FDFT1: variants seen among roughly 807,000 people sequenced by gnomAD.
FDFT1 encodes farnesyl-diphosphate farnesyltransferase 1, also known as squalene synthase.
A neutral mutation model predicts 46.8 loss-of-function variants in FDFT1; 68 were observed. The observed-to-expected ratio is 1.45, with a 90% CI of 1.19 to 1.78. The LOEUF is 1.78. FDFT1 is among the 40% of genes most tolerant of loss of function. The pLI is 0.00. For synonymous variants in FDFT1, 351 were observed against 185.1 expected (o/e 1.90, Z -7.28); for missense variants, 928 against 524.4 (o/e 1.77, Z -7.52).
chr8:11,801,380 C>T (rs1019224907), upstream of FDFT1, among the ~76,000 whole-genome samples: 2 of 152,170 alleles, frequency 1.3e-5, no homozygotes, highest in African/African-American at 2.4e-5. Context: ...AGTGCAATAG[C>T]GCGATCTCAG....
intron 3 of FDFT1, among the ~76,000 whole-genome samples, chr8:11,816,387 T>G (rs931840925): frequency 1.3e-5 from 2 of 152,332 alleles, no homozygotes; most frequent in South Asian, 4.1e-4. Context: ...TAAAGTAGTT[T>G]TTTCCAATTC....
At chr8:11,801,874 T>G (rs747610027), upstream of FDFT1, 16 of 440,554 alleles carry the variant, frequency 3.6e-5, no homozygotes, top group Non-Finnish European at 3.6e-5. Flanking sequence ...GTATTTTTAG[T>G]AGAGACGGGT....
intron 4 of FDFT1, among the ~76,000 whole-genome samples, chr8:11,822,583 G>A (rs533172513): frequency 5.9e-5 from 9 of 152,352 alleles, no homozygotes; most frequent in African/African-American, 1.7e-4. Context: ...GGAGGCTGAG[G>A]TGGGAGGATC....
chr8:11,797,626 C>T (rs574357344), upstream of FDFT1, among the ~76,000 whole-genome samples: 3 of 114,762 alleles, frequency 2.6e-5, no homozygotes, highest in East Asian at 5.3e-4. Flanking sequence ...CTGTCTGTCT[C>T]TCACACACAC....
intron 5 of FDFT1, among the ~76,000 whole-genome samples, chr8:11,828,212 C>T (rs1240575481): frequency 2.0e-5 from 3 of 152,076 alleles, no homozygotes; most frequent in Non-Finnish European, 4.4e-5. Flanking sequence ...TGCCTGAGCC[C>T]AGGAGTTCAA....
At chr8:11,812,453 G>C (rs1807856954) in intron 3 of FDFT1, among the ~76,000 whole-genome samples, 1 of 152,190 alleles carries the variant, frequency 6.6e-6, no homozygotes, top group South Asian at 2.1e-4. Context: ...GTGCTGGAGA[G>C]AGCGGGATTC....
intron 3 of FDFT1, among the ~76,000 whole-genome samples, chr8:11,820,552 T>G (rs1158582424): frequency 6.6e-6 from 1 of 152,164 alleles, no homozygotes; most frequent in African/African-American, 2.4e-5. Context: ...AGCATAGAAG[T>G]GCGTACTGAA....
intron 5 of FDFT1, among the ~76,000 whole-genome samples, chr8:11,826,660 C>G (rs559135263): frequency 6.6e-6 from 1 of 152,028 alleles, no homozygotes; most frequent in African/African-American, 2.4e-5. Context: ...CTAAAAAATA[C>G]AAAAATTAGC....
intron 3 of FDFT1, among the ~76,000 whole-genome samples, chr8:11,813,954 C>A (rs539858420): frequency 3.3e-5 from 5 of 152,188 alleles, no homozygotes; most frequent in Middle Eastern, 3.2e-3. Flanking sequence ...TTGTCACTTT[C>A]TCCTGTATAT....
chr8:11,821,558 T>C (rs1809250767), intron 3 of FDFT1, among the ~76,000 whole-genome samples, 192 bp from the exon 4 acceptor site: 1 of 152,212 alleles, frequency 6.6e-6, no homozygotes, highest in South Asian at 2.1e-4. Context: ...GCCATTGCAC[T>C]CCAGCCTGGG....
intron 3 of FDFT1, among the ~76,000 whole-genome samples, chr8:11,817,775 T>G (rs1345516514): frequency 6.6e-6 from 1 of 152,100 alleles, no homozygotes; most frequent in Admixed American, 6.6e-5. Flanking sequence ...GCTAGCGGTC[T>G]ATCAATTTTG....
intron 4 of FDFT1, 145 bp from the exon 5 acceptor site, chr8:11,825,879 C>T (rs941021648): frequency 1.1e-5 from 5 of 450,240 alleles, no homozygotes; most frequent in Non-Finnish European, 1.6e-5. Flanking sequence ...TTTTTAAATC[C>T]TGGTATGTAT....
At chr8:11,803,449 C>G (rs570550983) in intron 1 of FDFT1, 2 of 1,280,046 alleles carry the variant, frequency 1.6e-6, no homozygotes, top group Non-Finnish European at 2.0e-6. Flanking sequence ...GTTTTAAAAT[C>G]GCCTATCTAC....
chr8:11,835,971 T>TCAAAAAAAAAAA (rs1554530005), intron 7 of FDFT1, among the ~76,000 whole-genome samples: 1 of 64,608 alleles, frequency 1.5e-5, no homozygotes, highest in Admixed American at 2.4e-4. Flanking sequence ...CTGTCTCTAC[T>TCAAAAAAAAAAA]AAAAAAAAAA....
At chr8:11,837,386 G>A (rs1251282573) in intron 7 of FDFT1, among the ~76,000 whole-genome samples, 1 of 152,154 alleles carries the variant, frequency 6.6e-6, no homozygotes, top group Non-Finnish European at 1.5e-5. Context: ...TGCATGCCAC[G>A]ATGCCCGGCT....
At chr8:11,796,918 G>C (rs11780453) in intron 1 of FDFT1, among the ~76,000 whole-genome samples, 781 of 152,358 alleles carry the variant, frequency 5.1e-3, no homozygotes, top group Non-Finnish European at 9.1e-3. Flanking sequence ...CTGCAGAGTA[G>C]GGCTGCTCCG....
At chr8:11,799,393 A>T (rs913654313), upstream of FDFT1, among the ~76,000 whole-genome samples, 7 of 152,154 alleles carry the variant, frequency 4.6e-5, no homozygotes, top group African/African-American at 1.4e-4. Flanking sequence ...GGAGAAAAAG[A>T]AGAGCCCTGT....
chr8:11,806,549 C>G (rs943006635), intron 1 of FDFT1, among the ~76,000 whole-genome samples: 9 of 152,068 alleles, frequency 5.9e-5, no homozygotes, highest in Non-Finnish European at 1.3e-4. Flanking sequence ...GGGTAGTGTT[C>G]TTGAAGAGTG....
At chr8:11,808,269 C>G (rs988736500) in intron 1 of FDFT1, 3 of 1,215,216 alleles carry the variant, frequency 2.5e-6, no homozygotes, top group Non-Finnish European at 3.1e-6. Flanking sequence ...GGAGGACGAG[C>G]GAGCCGCTCG....
Sources: gnomAD v4.1 joint callset for allele counts (sites outside exome capture counted in the v4.1 genomes callset) on GRCh38, gnomAD v4.1.1 for gene constraint, MANE v1.5 for transcripts, NCBI Gene and HGNC (gene_info 2026-07-23, HGNC 2026-07-21) for gene names.